Variants in DHX30 observed in about 807,000 individuals in gnomAD.
DHX30 encodes the protein DExH-box helicase 30, also known as ATP-dependent RNA helicase DHX30.
Under a neutral mutation model 116.9 loss-of-function variants are expected in DHX30, and 4 were observed. The observed-to-expected ratio is 0.03, with a 90% CI of 0.02 to 0.08. DHX30 has a LOEUF of 0.08. Ranked by LOEUF, DHX30 falls within the 10% of genes least tolerant of loss-of-function variation. The pLI, the probability that DHX30 is intolerant of heterozygous loss-of-function variation, is 1.00. For synonymous variants in DHX30, 697 were observed against 651.7 expected (o/e 1.07, Z -1.06); for missense variants, 871 against 1,595.1 (o/e 0.55, Z 7.73).
At chr3:47,804,250 G>A (rs1404704610) in intron 1 of DHX30, among the ~76,000 whole-genome samples, 2 of 152,112 alleles carry the variant, frequency 1.3e-5, no homozygotes, top group Non-Finnish European at 2.9e-5. Context: ...AATTTATGTA[G>A]CTGTGATACA....
In DHX30 at chr3:47,849,352, GC is replaced by G. The variant is rs1444194246; in HGVS notation, c.3087+4del. 1 of 1,610,060 alleles carries G rather than the reference GC, an allele frequency of 6.2e-7. No homozygotes were observed. On this transcript the variant is annotated splice_donor_region_variant and intron_variant, in intron 19 of 21. Coordinates refer to ENST00000445061, the MANE Select transcript of DHX30 (RefSeq NM_138615.3). ...GCCTCTACCCCAACCTCATCCAGGT[GC>G]TGCCTCTGGGAGGGAATGGAGTTCA...
chr3:47,819,524 C>G (rs546860053), intron 4 of DHX30, among the ~76,000 whole-genome samples: 1 of 152,176 alleles, frequency 6.6e-6, no homozygotes, highest in Non-Finnish European at 1.5e-5. Context: ...GTGCATTTTG[C>G]CTTCTCTCTC....
At chr3:47,827,736 C>G (rs2036609840) in intron 5 of DHX30, among the ~76,000 whole-genome samples, 1 of 152,150 alleles carries the variant, frequency 6.6e-6, no homozygotes, top group South Asian at 2.1e-4. Flanking sequence ...GTTTTTGCCC[C>G]CATCGACTAA....
At chr3:47,829,312 ATAT>A (rs1415301676) in intron 6 of DHX30, among the ~76,000 whole-genome samples, 178 bp downstream of exon 6, 32 of 27,968 alleles carry the variant, frequency 1.1e-3, no homozygotes, top group African/African-American at 2.9e-3. Flanking sequence ...ATATATATAT[ATAT>A]TTTTTTTTTT....
At chr3:47,845,304 C>T (rs1383420942) in intron 9 of DHX30, among the ~76,000 whole-genome samples, 1 of 152,110 alleles carries the variant, frequency 6.6e-6, no homozygotes. Context: ...TCTCGTGCCT[C>T]AGCCTCCCTA....
Position 47,849,871 on chromosome 3 carries a change from C to T in DHX30, c.3336C>T (p.Asp1112=), listed in dbSNP as rs747179752. The change falls in exon 22 of 22, where the codon GAC becomes GAT. Residue 1112 remains aspartate (D), a synonymous_variant. Transcript: ENST00000445061. Reference sequence around the variant, plus strand: ...CCATCTTTTCCATTCCCTCAGATGACGGGCGCCGGGCCACCATCTCACTGA... The same window carrying T: ...CCATCTTTTCCATTCCCTCAGATGATGGGCGCCGGGCCACCATCTCACTGA... ...LTDGDVHIRD[D]GRRATISLSD... The T allele has an allele frequency of 4.7e-5, 75 of 1,611,890 alleles. No homozygotes were observed. Among genetic ancestry groups the T allele is most frequent in the East Asian group, 2.5e-4 (11 of 44,834 alleles).
rs116081529 is a variant in DHX30, at chr3:47,825,438, C to T, written c.125-1909C>T. Among the ~76,000 whole-genome samples, 574 of 152,296 alleles carry T rather than the reference C, an allele frequency of 3.8e-3. 4 individuals are homozygous for T. The highest frequency in any genetic ancestry group is 0.012 in the African/African-American group (500 of 41,570). ...TAGCGTGGCACAGGCCCGAATGGAC[C>T]CTTAGAGTACCTGCTCCCGGCAAGA... is the stretch of plus-strand genomic sequence containing the variant. On this transcript the variant is annotated intron_variant, in intron 4 of 21. Transcript: ENST00000445061.
rs769284700 is a variant in DHX30, at chr3:47,846,872, C to T, written c.1800C>T (p.Ser600=). 3.1e-6 allele frequency: 5 copies of T among 1,612,784 alleles called. No homozygotes were observed. In the East Asian group the frequency reaches 8.9e-5, roughly 29 times the overall value. The stretch of plus-strand genomic sequence containing the variant: ...CCACAGGGGACAATGAGCGCTTCTC[C>T]CGATACTTTGGTGGCTGCCCCGTCA... The part of the protein sequence containing the change: ...MSATGDNERF[S]RYFGGCPVIK... The change falls in exon 11 of 22, where the codon TCC becomes TCT. Residue 600 remains serine (S), a synonymous_variant. Coordinates refer to ENST00000445061, the MANE Select transcript of DHX30 (RefSeq NM_138615.3).
chr3:47,826,465 G>A (rs201138425), intron 4 of DHX30, among the ~76,000 whole-genome samples: 1 of 139,246 alleles, frequency 7.2e-6, no homozygotes, highest in African/African-American at 2.7e-5. Context: ...TTTTTTTTGA[G>A]ATGGAGTTTC....
At chr3:47,833,638 T>A (rs1269392427) in intron 6 of DHX30, among the ~76,000 whole-genome samples, 1 of 150,242 alleles carries the variant, frequency 6.7e-6, no homozygotes, top group African/African-American at 2.4e-5. Context: ...GGCTGGCGGA[T>A]CACGAGGTCA....
chr3:47,810,792 C>T (rs2035754318), intron 3 of DHX30, 81 bp downstream of exon 3: 1 of 1,394,468 alleles, frequency 7.2e-7, no homozygotes, highest in Non-Finnish European at 1.0e-6. Context: ...AGTCTCTCCC[C>T]AGTATGTAGT....
chr3:47,815,592 T>C (rs7629850), intron 3 of DHX30, among the ~76,000 whole-genome samples: 112,318 of 151,864 alleles, frequency 0.74, 42,112 homozygotes, highest in African/African-American at 0.87. Context: ...AAGCTGTTGG[T>C]AAGAATGCCC....
intron 6 of DHX30, among the ~76,000 whole-genome samples, chr3:47,829,594 T>C (rs1194420778): frequency 6.6e-6 from 1 of 151,896 alleles, no homozygotes; most frequent in Non-Finnish European, 1.5e-5. Context: ...TCCACCTGCC[T>C]AGGCCTCTCA....
intron 6 of DHX30, among the ~76,000 whole-genome samples, chr3:47,834,136 G>T (rs758789706): frequency 2.6e-5 from 4 of 151,936 alleles, no homozygotes; most frequent in Non-Finnish European, 4.4e-5. Flanking sequence ...CCAAGTCTCG[G>T]CCTGTTGCCC....
chr3:47,817,396 T>C (rs999132301), intron 3 of DHX30, among the ~76,000 whole-genome samples: 12 of 152,240 alleles, frequency 7.9e-5, no homozygotes, highest in Non-Finnish European at 4.4e-5. Context: ...AGAAATGTAC[T>C]TTCTGGTTAC....
At chr3:47,823,178 A>G (rs1211198944) in intron 4 of DHX30, among the ~76,000 whole-genome samples, 1 of 151,744 alleles carries the variant, frequency 6.6e-6, no homozygotes, top group African/African-American at 2.4e-5. Context: ...ACTCACTACT[A>G]TGAGAACAAT....
In DHX30 at chr3:47,841,061, C is replaced by G; in HGVS notation, c.551C>G (p.Ser184Cys). 1 of 1,614,144 alleles carries G rather than the reference C, an allele frequency of 6.2e-7. No homozygotes were observed. Among genetic ancestry groups the G allele is most frequent in the African/African-American group, 1.3e-5 (1 of 75,022 alleles). Residue 184 changes from serine (S) to cysteine (C), a missense_variant, in exon 7 of 22, where the codon TCT (serine) becomes TGT (cysteine). Physicochemically the swap from Ser to Cys is moderately radical, Grantham distance 112 (BLOSUM62 -1). This residue lies in a region of DHX30 where 109 missense variants were observed against 118.8 expected (regional missense o/e 0.92). Transcript: ENST00000445061. ...RPGGPGGLSR[S>C]LGREEEEDEE... ...GGGGGACCTGGGGGCCTATCCCGCT[C>G]TTTAGGCCGGGAAGAAGAGGAGGAC... is the stretch of plus-strand genomic sequence containing the variant.
Position 47,848,385 on chromosome 3 carries a change from C to T in DHX30, c.2492C>T (p.Thr831Met), listed in dbSNP as rs757607778. 6.2e-6 allele frequency: 10 copies of T among 1,614,076 alleles called. No homozygotes were observed. Among genetic ancestry groups the T allele is most frequent in the Admixed American group, 1.7e-5 (1 of 60,026 alleles). The change falls in exon 15 of 22, where the codon ACG (threonine) becomes ATG (methionine). Residue 831 changes from threonine (T) to methionine (M), a missense_variant and splice_region_variant. Transcript: ENST00000445061. This position sits in a 1 kb window ranked among gnomAD's most constrained non-coding sequence, Gnocchi z 9.4. ...LQAKIHMPEK[T>M]AVEFLSKAVD... ...GCGAAAATCCACATGCCTGAGAAGA[C>T]GGTGCGGCGGGGCGGGGCAGGGGCT...
chr3:47,844,564 ATTCCTGTCCTT>A (rs2107124818), intron 9 of DHX30, among the ~76,000 whole-genome samples: 1 of 152,342 alleles, frequency 6.6e-6, no homozygotes, highest in Non-Finnish European at 1.5e-5. Flanking sequence ...TGAGGACCAG[ATTCCTGTCCTT>A]TAGGTCCTTA....
Sources: gnomAD v4.1 joint callset for allele counts (sites outside exome capture counted in the v4.1 genomes callset) on GRCh38, gnomAD v4.1.1 for gene constraint, gnomAD v4.1.1 regional missense constraint, Gnocchi (gnomAD v3.1) non-coding constraint, MANE v1.5 for transcripts, NCBI Gene and HGNC (gene_info 2026-07-23, HGNC 2026-07-21) for gene names.